Variants in SLC13A4 observed in about 807,000 individuals in gnomAD.
SLC13A4 encodes the protein Na(+)/sulfate cotransporter SUT-1.
Under a neutral mutation model 72.7 loss-of-function variants are expected in SLC13A4, and 28 were observed. That is an observed-to-expected ratio of 0.39 (90% confidence interval 0.29 to 0.53). SLC13A4 has a LOEUF of 0.53. SLC13A4 is among the 20% of genes least tolerant of loss of function. SLC13A4 has a pLI of 0.78. For synonymous variants in SLC13A4, 312 were observed against 325.5 expected, an observed-to-expected ratio of 0.96 and a Z score of 0.45; for missense variants, 653 against 788.0, an observed-to-expected ratio of 0.83 and a Z score of 2.05.
chr7:135,706,424 T>A, intron 3 of SLC13A4, 124 bp from the exon 4 acceptor site: 3 of 982,896 alleles, frequency 3.1e-6, no homozygotes, highest in Non-Finnish European at 4.4e-6. Flanking sequence ...GGCAGGCATT[T>A]GTCCTGCAGG....
chr7:135,691,794 C>T (rs1002245377), intron 11 of SLC13A4, 149 bp from the exon 12 acceptor site: 8 of 589,210 alleles, frequency 1.4e-5, no homozygotes, highest in African/African-American at 5.6e-5. Flanking sequence ...GTTGCTGCCA[C>T]GCTATCCACT....
intron 3 of SLC13A4, among the ~76,000 whole-genome samples, chr7:135,706,732 C>T (rs1584731568): frequency 6.6e-6 from 1 of 152,178 alleles, no homozygotes; most frequent in South Asian, 2.1e-4. Context: ...TGCTTTGCCG[C>T]CAAGTCACCA....
At chr7:135,721,928 T>A (rs944073357) in intron 1 of SLC13A4, among the ~76,000 whole-genome samples, 12 of 152,116 alleles carry the variant, frequency 7.9e-5, no homozygotes, top group African/African-American at 2.4e-4. Flanking sequence ...TAGAAGTTCT[T>A]GGGGTAGTTG....
chr7:135,717,262 CT>C lies in SLC13A4; in HGVS notation c.228+4132del, dbSNP rs113905839. On this transcript the variant is annotated intron_variant, in intron 2 of 15. Coordinates refer to ENST00000682651, the MANE Select transcript of SLC13A4 (RefSeq NM_001318192.2). ...CTCTGACTCCTCTGAGTGAGAAATT[CT>C]TTTTTTCCCCCCTGGAAATTTTGAA... Among the ~76,000 whole-genome samples, 278 of 152,276 alleles carry C rather than the reference CT, an allele frequency of 1.8e-3. 3 individuals carry two copies. Among genetic ancestry groups the C allele is most frequent in the African/African-American group, 6.4e-3 (265 of 41,540 alleles).
chr7:135,684,095 C>A, intron 15 of SLC13A4, 29 bp downstream of exon 15: 1 of 1,570,432 alleles, frequency 6.4e-7, no homozygotes, highest in Non-Finnish European at 8.7e-7. Flanking sequence ...GGCAGCTGGG[C>A]CTGGCAGGGA....
In SLC13A4 at chr7:135,708,254, T is replaced by C. The variant is rs955430532; in HGVS notation, c.229-4A>G. ...TCTTGAAGTACTCCGCCGCCACCTGTAGGGAGGCCAGGCATGTCAGTCACC... is the reference window on the plus strand; with the variant it reads ...TCTTGAAGTACTCCGCCGCCACCTGCAGGGAGGCCAGGCATGTCAGTCACC... On this transcript the variant is annotated splice_polypyrimidine_tract_variant and splice_region_variant and intron_variant, in intron 2 of 15. Coordinates refer to ENST00000682651, the MANE Select transcript of SLC13A4 (RefSeq NM_001318192.2). The C allele has an allele frequency of 9.9e-6, 16 of 1,614,076 alleles. No homozygotes were observed. The highest frequency in any genetic ancestry group is 1.4e-5 in the Non-Finnish European group (16 of 1,179,970).
At chr7:135,691,738 CT>C in intron 11 of SLC13A4, 93 bp from the exon 12 acceptor site, 1 of 782,840 alleles carries the variant, frequency 1.3e-6, no homozygotes, top group Non-Finnish European at 2.1e-6. Context: ...CACAGTGCCT[CT>C]TTTTAGGACT....
intron 15 of SLC13A4, among the ~76,000 whole-genome samples, chr7:135,682,653 G>T (rs1477705977): frequency 1.3e-5 from 2 of 152,228 alleles, no homozygotes; most frequent in African/African-American, 4.8e-5. Context: ...AGGAGTGTTA[G>T]AGTTGAAAGG....
At chr7:135,713,526 T>C (rs1391724315) in intron 2 of SLC13A4, among the ~76,000 whole-genome samples, 1 of 152,220 alleles carries the variant, frequency 6.6e-6, no homozygotes, top group African/African-American at 2.4e-5. Flanking sequence ...ACATGGGCTT[T>C]ACACATAAGA....
intron 1 of SLC13A4, among the ~76,000 whole-genome samples, chr7:135,725,583 G>A (rs1796637633): frequency 6.6e-6 from 1 of 152,112 alleles, no homozygotes; most frequent in African/African-American, 2.4e-5. Flanking sequence ...TGCAGGCCAG[G>A]AGCTCCTGCC....
chr7:135,706,326 G>A (rs1584731206), intron 3 of SLC13A4, 26 bp from the exon 4 acceptor site: 6 of 1,579,318 alleles, frequency 3.8e-6, no homozygotes, highest in East Asian at 2.3e-5. Context: ...GGTTGGGGCA[G>A]AGCGTCCACG....
intron 1 of SLC13A4, among the ~76,000 whole-genome samples, chr7:135,722,061 A>G (rs561065644): frequency 1.1e-4 from 17 of 152,226 alleles, no homozygotes; most frequent in African/African-American, 3.4e-4. Context: ...GGCAATATAT[A>G]GCAAGACCCC....
chr7:135,718,126 G>A (rs765391135), intron 2 of SLC13A4, among the ~76,000 whole-genome samples: 1 of 113,654 alleles, frequency 8.8e-6, no homozygotes, highest in Non-Finnish European at 1.8e-5. Flanking sequence ...TCTCCTCTTC[G>A]TTCTGTTTCT....
At chr7:135,717,927 G>A (rs143694299) in intron 2 of SLC13A4, among the ~76,000 whole-genome samples, 1 of 152,184 alleles carries the variant, frequency 6.6e-6, no homozygotes, top group Non-Finnish European at 1.5e-5. Context: ...CCCTGGGACT[G>A]GGATCTACAC....
chr7:135,701,516 G>A (rs1265082144), intron 7 of SLC13A4, among the ~76,000 whole-genome samples, 164 bp downstream of exon 7: 1 of 152,184 alleles, frequency 6.6e-6, no homozygotes, highest in Non-Finnish European at 1.5e-5. Flanking sequence ...TGAGCTTGAT[G>A]TCTCACCTCC....
At chr7:135,702,751 GT>G (rs1796068006) in intron 6 of SLC13A4, 93 bp downstream of exon 6, 1 of 1,030,386 alleles carries the variant, frequency 9.7e-7, no homozygotes, top group African/African-American at 1.6e-5. Flanking sequence ...ATCTGTAGCT[GT>G]TGAAAATCTG....
intron 8 of SLC13A4, among the ~76,000 whole-genome samples, chr7:135,697,406 C>T (rs1052530132): frequency 4.6e-5 from 7 of 152,192 alleles, no homozygotes; most frequent in Non-Finnish European, 8.8e-5. Context: ...GCCTTTCCCT[C>T]TCTCAGGCCC....
Position 135,699,449 on chromosome 7 carries a change from T to C in SLC13A4, c.814A>G (p.Ser272Gly). The C allele has an allele frequency of 3.7e-6, 6 of 1,613,374 alleles. No individual in the cohort carries two copies. Among genetic ancestry groups the C allele is most frequent in the Non-Finnish European group, 5.1e-6 (6 of 1,179,690 alleles). ...DQMICKCLSL[S>G]ISYSATIGGL... Reference sequence around the variant, plus strand: ...CCAATGGTAGCGGAGTAGGATATGCTCAGGGAGAGGCACTTGCAGATCATC... The same window carrying C: ...CCAATGGTAGCGGAGTAGGATATGCCCAGGGAGAGGCACTTGCAGATCATC... The change falls in exon 8 of 16, where the codon AGC becomes GGC. Residue 272 changes from serine to glycine, a missense_variant. Physicochemically the swap from Ser to Gly is moderately conservative, Grantham distance 56 (BLOSUM62 0). Transcript: ENST00000682651.
chr7:135,705,968 G>A (rs369194412), intron 4 of SLC13A4, 160 bp downstream of exon 4: 21 of 642,554 alleles, frequency 3.3e-5, no homozygotes, highest in East Asian at 1.4e-4. Context: ...GAGCTGGGAT[G>A]GGAAAGAGGA....
Sources: allele counts gnomAD v4.1 joint callset (sites outside exome capture counted in the v4.1 genomes callset), GRCh38; gene constraint gnomAD v4.1.1; transcripts MANE v1.5; gene names NCBI Gene and HGNC (gene_info 2026-07-23, HGNC 2026-07-21).